TASP1: variants seen among roughly 807,000 people sequenced by gnomAD.
The protein encoded by TASP1 is taspase 1.
In TASP1, 16 loss-of-function variants were observed where a neutral mutation model predicts 56.6. The observed-to-expected ratio is 0.28, with a 90% CI of 0.19 to 0.43. TASP1 has a LOEUF of 0.43. Among genes scored for constraint, TASP1 ranks in the 20% least tolerant of loss-of-function variants. The pLI, the probability that TASP1 is intolerant of heterozygous loss-of-function variation, is 1.00. For missense variants in TASP1, 393 were observed against 511.6 expected (o/e 0.77, Z 2.24); for synonymous variants, 179 against 184.2 (o/e 0.97, Z 0.23).
the TASP1 span, among the ~76,000 whole-genome samples, chr20:13,277,828 G>T: frequency 6.6e-6 from 1 of 152,094 alleles, no homozygotes; most frequent in Non-Finnish European, 1.5e-5. Flanking sequence ...AGACTCTGGG[G>T]TTGAAAGTCA....
chr20:13,319,576 C>T, the TASP1 span, among the ~76,000 whole-genome samples: 2 of 152,142 alleles, frequency 1.3e-5, no homozygotes, highest in African/African-American at 2.4e-5. Context: ...AATGGCAGCT[C>T]GTAGAAGTAT....
chr20:13,498,223 A>G (rs1354729752), intron 10 of TASP1, among the ~76,000 whole-genome samples: 2 of 152,208 alleles, frequency 1.3e-5, no homozygotes, highest in African/African-American at 4.8e-5. Context: ...TGTTTCTGAC[A>G]AATGTCTAAT....
chr20:13,554,380 A>G lies in TASP1; in HGVS notation c.675+4628T>C, dbSNP rs532761896. On this transcript the variant is annotated intron_variant, in intron 8 of 13. Transcript: ENST00000337743. The stretch of plus-strand genomic sequence containing the variant: ...TACTTTAAACTAATCAAATGTAAGT[A>G]TAAACGGTCAAAGACTAAAGAAAAC... Among the ~76,000 whole-genome samples the G allele has an allele frequency of 8.0e-5, 12 of 149,580 alleles. No individual in the cohort carries two copies. The East Asian group carries it at 2.2e-3, about 27-fold the overall frequency.
intron 1 of TASP1, among the ~76,000 whole-genome samples, chr20:13,637,692 TACAG>T (rs2049359673): frequency 6.6e-6 from 1 of 152,186 alleles, no homozygotes; most frequent in Non-Finnish European, 1.5e-5. Context: ...AATCCATAGA[TACAG>T]AAAGTAGATT....
At chr20:13,432,607 A>C (rs1357911397) in intron 12 of TASP1, among the ~76,000 whole-genome samples, 1 of 152,206 alleles carries the variant, frequency 6.6e-6, no homozygotes, top group Non-Finnish European at 1.5e-5. Context: ...AAGCTTCATA[A>C]GCATCAACGC....
chr20:13,463,746 A>C (rs1600874391), intron 11 of TASP1, among the ~76,000 whole-genome samples: 1 of 152,170 alleles, frequency 6.6e-6, no homozygotes, highest in Non-Finnish European at 1.5e-5. Flanking sequence ...GCACATGAAA[A>C]GATGCTTAAT....
chr20:13,433,792 G>A (rs1196117892), intron 12 of TASP1, among the ~76,000 whole-genome samples: 1 of 147,786 alleles, frequency 6.8e-6, no homozygotes, highest in African/African-American at 2.5e-5. Flanking sequence ...AAATTTATAG[G>A]AAGGGTTAAA....
the TASP1 span, among the ~76,000 whole-genome samples, chr20:13,116,889 T>C: frequency 6.6e-6 from 1 of 150,732 alleles, no homozygotes; most frequent in African/African-American, 2.4e-5. Flanking sequence ...CAGAGGATTC[T>C]GATGTTCACT....
At chr20:13,492,929 CAG>C (rs1358740356) in intron 10 of TASP1, among the ~76,000 whole-genome samples, 1 of 151,966 alleles carries the variant, frequency 6.6e-6, no homozygotes, top group Non-Finnish European at 1.5e-5. Context: ...TGATTAAACA[CAG>C]ATATCTAGAG....
At chr20:13,164,639 G>T in the TASP1 span, 1 of 751,504 alleles carries the variant, frequency 1.3e-6, no homozygotes, top group Non-Finnish European at 2.2e-6. Context: ...TAAAATCAAA[G>T]AAGCTAGCAA....
chr20:13,348,916 G>A, the TASP1 span, among the ~76,000 whole-genome samples: 6 of 152,302 alleles, frequency 3.9e-5, no homozygotes, highest in East Asian at 5.8e-4. Flanking sequence ...CAACTCTGAC[G>A]TGCAAAACGC....
intron 11 of TASP1, among the ~76,000 whole-genome samples, chr20:13,456,465 G>GAA (rs1340076368): frequency 1.3e-5 from 2 of 151,818 alleles, no homozygotes; most frequent in East Asian, 3.9e-4. Flanking sequence ...CTATCCTAAA[G>GAA]AAAAAAACCT....
chr20:13,632,870 G>A (rs1290032682), intron 1 of TASP1, among the ~76,000 whole-genome samples: 1 of 152,154 alleles, frequency 6.6e-6, no homozygotes, highest in Non-Finnish European at 1.5e-5. Flanking sequence ...ACAAATCTCA[G>A]TTTGCAGAAA....
At chr20:13,185,881 T>C in the TASP1 span, among the ~76,000 whole-genome samples, 2 of 152,320 alleles carry the variant, frequency 1.3e-5, no homozygotes, top group African/African-American at 4.8e-5. Flanking sequence ...CCCATCCTTA[T>C]AGCAAGAAAT....
chr20:13,383,016 C>T, the TASP1 span, among the ~76,000 whole-genome samples: 1 of 152,148 alleles, frequency 6.6e-6, no homozygotes, highest in African/African-American at 2.4e-5. Context: ...AAGTGCTTTC[C>T]AAGCAGGGGG....
intron 13 of TASP1, among the ~76,000 whole-genome samples, chr20:13,394,116 A>T (rs1407974463): frequency 2.6e-5 from 4 of 151,194 alleles, no homozygotes; most frequent in Admixed American, 1.3e-4. Flanking sequence ...CCCCACCTCT[A>T]CTAAAAATAC....
chr20:13,394,694 T>C (rs1160546764), intron 13 of TASP1, among the ~76,000 whole-genome samples: 1 of 152,006 alleles, frequency 6.6e-6, no homozygotes, highest in Non-Finnish European at 1.5e-5. Context: ...ACTGTTAGAA[T>C]AGAGATGGAG....
the TASP1 span, among the ~76,000 whole-genome samples, chr20:13,161,695 A>T: frequency 2.0e-5 from 3 of 152,214 alleles, no homozygotes; most frequent in Non-Finnish European, 4.4e-5. Context: ...AAACTATTGG[A>T]TTAGCAATTA....
At chr20:13,570,077 C>T (rs371987576) in intron 6 of TASP1, among the ~76,000 whole-genome samples, 6 of 151,984 alleles carry the variant, frequency 3.9e-5, no homozygotes, top group South Asian at 2.1e-4. Flanking sequence ...CCTGATGCAA[C>T]GAAAATACAT....
Sources: allele counts gnomAD v4.1 joint callset (sites outside exome capture counted in the v4.1 genomes callset), GRCh38; gene constraint gnomAD v4.1.1; transcripts MANE v1.5; gene names NCBI Gene and HGNC (gene_info 2026-07-23, HGNC 2026-07-21).